The following IGSF10 variants were observed in gnomAD, a reference collection of about 807,000 sequenced individuals.
The protein encoded by IGSF10 is calvaria mechanical force protein 608.
A neutral mutation model predicts 128.2 loss-of-function variants in IGSF10; 126 were observed. The ratio of observed to expected loss-of-function variants is 0.98; its 90% confidence interval spans 0.85 to 1.14. IGSF10 has a LOEUF of 1.14. IGSF10 is among the 50% of genes most tolerant of loss of function. The probability of loss-of-function intolerance (pLI) is 0.00; values close to 1 mark genes in which losing one functional copy is unlikely to be tolerated. For missense variants in IGSF10, 3,295 were observed against 3,149.8 expected (o/e 1.05, Z -1.10); for synonymous variants, 1,185 against 1,146.2 (o/e 1.03, Z -0.68).
chr3:151,599,772 C>T, the IGSF10 span, among the ~76,000 whole-genome samples: 1 of 151,862 alleles, frequency 6.6e-6, no homozygotes, highest in South Asian at 2.1e-4. Flanking sequence ...AATATAAACA[C>T]ATAGATAATA....
Position 151,448,094 on chromosome 3 carries a change from T to C in IGSF10, c.1887A>G (p.Thr629=), listed in dbSNP as rs1240318701. The change falls in exon 6 of 8, where the codon ACA becomes ACG. Residue 629 remains threonine, a synonymous_variant. Coordinates refer to ENST00000282466, the MANE Select transcript of IGSF10 (RefSeq NM_178822.5). ...SRDKKVLNNG[T]LRILQVTPKD... is the part of the protein sequence containing the mutation. Reference sequence around the variant, plus strand: ...TCGGGGTGACCTGTAATATTCTTAATGTGCCATTGTTTAGAACTTTCTTGT... The same window carrying C: ...TCGGGGTGACCTGTAATATTCTTAACGTGCCATTGTTTAGAACTTTCTTGT... 1 of 1,614,230 alleles carries C rather than the reference T, an allele frequency of 6.2e-7. No individual in the cohort carries two copies. The highest frequency in any genetic ancestry group is 2.2e-5 in the East Asian group (1 of 44,882).
chr3:151,439,282 A>G (rs1329490255), intron 7 of IGSF10, among the ~76,000 whole-genome samples: 2 of 152,234 alleles, frequency 1.3e-5, no homozygotes, highest in African/African-American at 2.4e-5. Flanking sequence ...CTAAACAGTT[A>G]TTAGTAACAA....
At chr3:151,528,438 G>T in the IGSF10 span, among the ~76,000 whole-genome samples, 1 of 152,180 alleles carries the variant, frequency 6.6e-6, no homozygotes, top group East Asian at 1.9e-4. Flanking sequence ...GAACAGCTCC[G>T]GTCTGTAGCT....
At chr3:151,543,271 AC>A in the IGSF10 span, among the ~76,000 whole-genome samples, 1 of 107,746 alleles carries the variant, frequency 9.3e-6, no homozygotes, top group African/African-American at 4.4e-5. Flanking sequence ...CAGAAAGATC[AC>A]TCAGGGGGCC....
chr3:151,553,636 A>C, the IGSF10 span, among the ~76,000 whole-genome samples: 137 of 151,102 alleles, frequency 9.1e-4, no homozygotes, highest in Middle Eastern at 3.5e-3. Flanking sequence ...CTCTCTTTCT[A>C]TATATATACA....
At chr3:151,511,631 T>A in the IGSF10 span, among the ~76,000 whole-genome samples, 11 of 152,286 alleles carry the variant, frequency 7.2e-5, no homozygotes, top group South Asian at 1.7e-3. Context: ...ACCTTAAATG[T>A]AAATGGGCTA....
chr3:151,432,899 T>C (rs1469597860), downstream of IGSF10: 6 of 937,612 alleles, frequency 6.4e-6, no homozygotes, highest in African/African-American at 1.7e-5. Flanking sequence ...GTCCCTTTTT[T>C]TCATTTCTTT....
chr3:151,473,666 G>C, the IGSF10 span, among the ~76,000 whole-genome samples: 1 of 152,146 alleles, frequency 6.6e-6, no homozygotes, highest in Non-Finnish European at 1.5e-5. Context: ...TTGTTCAGGA[G>C]CTGTGCAGAT....
At chr3:151,592,371 T>G in the IGSF10 span, among the ~76,000 whole-genome samples, 87 of 152,254 alleles carry the variant, frequency 5.7e-4, no homozygotes, top group African/African-American at 2.0e-3. Flanking sequence ...CCCTTATTGT[T>G]TCATGGAAAG....
the IGSF10 span, among the ~76,000 whole-genome samples, chr3:151,552,044 C>T: frequency 4.8e-4 from 73 of 152,116 alleles, 1 homozygote; most frequent in Admixed American, 6.6e-5. Flanking sequence ...GCGGAGGGAT[C>T]TGGTGGGAGG....
chr3:151,454,053 T>A (rs1173969258), intron 4 of IGSF10, among the ~76,000 whole-genome samples: 1 of 151,476 alleles, frequency 6.6e-6, no homozygotes, highest in Non-Finnish European at 1.5e-5. Context: ...CGTCTTGCTC[T>A]GTCGCCCAGG....
the IGSF10 span, among the ~76,000 whole-genome samples, chr3:151,582,938 T>C: frequency 6.6e-6 from 1 of 152,170 alleles, no homozygotes; most frequent in Non-Finnish European, 1.5e-5. Flanking sequence ...TTTTGGTAAA[T>C]ATTCTTTATT....
At chr3:151,552,223 T>C in the IGSF10 span, among the ~76,000 whole-genome samples, 2 of 152,154 alleles carry the variant, frequency 1.3e-5, no homozygotes, top group Non-Finnish European at 1.5e-5. Context: ...TCCACTGTGA[T>C]TGTAACTTTC....
Position 151,446,795 on chromosome 3 carries a change from T to G in IGSF10, c.3186A>C (p.Thr1062=). The part of the protein sequence containing the change: ...TAFSATVLNV[T]CLSCLPRERL... The stretch of plus-strand genomic sequence containing the variant: ...TCTCCCTGGGAAGACAGGACAGACA[T>G]GTCACATTGAGCACTGTGGCTGAGA... The change falls in exon 6 of 8, where the codon ACA becomes ACC. Residue 1062 remains threonine (T), a synonymous_variant. Coordinates refer to ENST00000282466, the MANE Select transcript of IGSF10 (RefSeq NM_178822.5). The G allele has an allele frequency of 6.2e-7, 1 of 1,614,112 alleles. No individual in the cohort carries two copies.
chr3:151,582,735 C>T, the IGSF10 span, among the ~76,000 whole-genome samples: 1 of 152,088 alleles, frequency 6.6e-6, no homozygotes, highest in Non-Finnish European at 1.5e-5. Context: ...CATCTATTGT[C>T]ATATATCTTA....
At position 151,445,073 on chromosome 3, in the gene IGSF10, G is replaced by T. The variant is rs766334170; in HGVS notation, c.4908C>A (p.Pro1636=). 1.9e-6 allele frequency: 3 copies of T among 1,614,082 alleles called. No homozygotes were observed. The highest frequency in any genetic ancestry group is 2.5e-6 in the Non-Finnish European group (3 of 1,180,044). The change falls in exon 6 of 8, where the codon CCC becomes CCA. Residue 1636 remains proline (P), a synonymous_variant. Transcript: ENST00000282466. ...VQEATTSKLL[P]FDSLSRYIFE... ...ATATATACCTAGACAAAGAGTCAAA[G>T]GGAAGGAGTTTGGAAGTTGTTGCTT...
the IGSF10 span, among the ~76,000 whole-genome samples, chr3:151,602,837 T>C: frequency 6.6e-6 from 1 of 152,332 alleles, no homozygotes; most frequent in East Asian, 1.9e-4. Context: ...GATTATCCAG[T>C]TGAGAAGAGA....
At chr3:151,592,660 G>A in the IGSF10 span, among the ~76,000 whole-genome samples, 1 of 152,208 alleles carries the variant, frequency 6.6e-6, no homozygotes, top group East Asian at 1.9e-4. Context: ...CCTGAGAATT[G>A]GTTTGGGTAA....
At chr3:151,562,192 G>A in the IGSF10 span, among the ~76,000 whole-genome samples, 1 of 152,154 alleles carries the variant, frequency 6.6e-6, no homozygotes, top group African/African-American at 2.4e-5. Flanking sequence ...AGGTGGGAAT[G>A]AGAGTGACCT....
Sources: allele counts gnomAD v4.1 joint callset (sites outside exome capture counted in the v4.1 genomes callset), GRCh38; gene constraint gnomAD v4.1.1; transcripts MANE v1.5; gene names NCBI Gene and HGNC (gene_info 2026-07-23, HGNC 2026-07-21).